NTRK2: variants seen among roughly 807,000 people sequenced by gnomAD.
The protein encoded by NTRK2 is neurotrophic receptor tyrosine kinase 2.
In NTRK2, 13 loss-of-function variants were observed where a neutral mutation model predicts 94.5. That is an observed-to-expected ratio of 0.14 (90% CI 0.09 to 0.22). NTRK2 has a LOEUF of 0.22. NTRK2 is among the 10% of genes least tolerant of loss of function. NTRK2 has a pLI of 1.00. For synonymous variants in NTRK2, 372 were observed against 407.4 expected (o/e 0.91, Z 1.05); for missense variants, 639 against 1,071.2 (o/e 0.60, Z 5.63).
At chr9:84,999,879 A>G (rs888931022) in intron 17 of NTRK2, among the ~76,000 whole-genome samples, 1 of 152,068 alleles carries the variant, frequency 6.6e-6, no homozygotes, top group Non-Finnish European at 1.5e-5. Context: ...CCACACTTTC[A>G]TGTCCTCTGC....
At chr9:84,954,160 C>T (rs1823813059) in intron 16 of NTRK2, among the ~76,000 whole-genome samples, 1 of 152,360 alleles carries the variant, frequency 6.6e-6, no homozygotes, top group South Asian at 2.1e-4. Context: ...TGTTTCAAAA[C>T]GTCTTGAGAG....
rs543720053 is a variant in NTRK2 at position 84,682,425 on chromosome 9, G to A, written c.212+11465G>A. Among the ~76,000 whole-genome samples the A allele has an allele frequency of 2.6e-5, 4 of 152,342 alleles. No homozygotes were observed. In the South Asian group the frequency reaches 8.3e-4, roughly 32 times the overall value. On this transcript the variant is annotated intron_variant, in intron 2 of 18. Transcript: ENST00000277120. The stretch of plus-strand genomic sequence containing the variant: ...CACTTTGTAACTCTTGTTACAAAGA[G>A]TGTACCTTCACTCTGAAGAAGTTGG...
At chr9:84,701,224 G>T (rs995433777) in intron 2 of NTRK2, among the ~76,000 whole-genome samples, 1 of 152,194 alleles carries the variant, frequency 6.6e-6, no homozygotes, top group Non-Finnish European at 1.5e-5. Flanking sequence ...GTATCTAAAG[G>T]CTCAAGTGGT....
At chr9:84,959,549 G>A (rs772769225) in intron 17 of NTRK2, among the ~76,000 whole-genome samples, 11 of 152,182 alleles carry the variant, frequency 7.2e-5, no homozygotes, top group Non-Finnish European at 1.5e-4. Flanking sequence ...ACCAGGAAAT[G>A]GCTGCCTCCA....
chr9:84,720,039 A>T lies in NTRK2; in HGVS notation c.584-3534A>T, dbSNP rs1009309469. 5.2e-5 allele frequency among the ~76,000 whole-genome samples: 7 copies of T among 135,298 alleles called. No individual in the cohort carries two copies. In the East Asian group the frequency reaches 9.1e-4, roughly 18 times the overall value. The allele number at this position is 135,298 out of a possible 152,430, so 88.8% of individuals were successfully genotyped here. Reference sequence around the variant, plus strand: ...TCTCAAAAAAAAAAAAAAAAAAAAAAGGGAGAGGGAGAGTCAACAAAGCAC... The same window carrying T: ...TCTCAAAAAAAAAAAAAAAAAAAAATGGGAGAGGGAGAGTCAACAAAGCAC... On this transcript the variant is annotated intron_variant, in intron 6 of 18. Transcript: ENST00000277120.
intron 17 of NTRK2, among the ~76,000 whole-genome samples, chr9:84,972,509 G>A (rs930906626): frequency 1.8e-4 from 27 of 152,264 alleles, no homozygotes; most frequent in South Asian, 6.2e-4. Flanking sequence ...TACTATAACC[G>A]TTAATATAAC....
chr9:84,929,774 C>G (rs7023976), intron 14 of NTRK2, among the ~76,000 whole-genome samples: 27,172 of 152,042 alleles, frequency 0.18, 2,679 homozygotes, highest in African/African-American at 0.25. Context: ...GTTGGCCAGG[C>G]TGGTCTCAAA....
chr9:84,672,413 G>T (rs1171992236), intron 2 of NTRK2, among the ~76,000 whole-genome samples: 2 of 152,180 alleles, frequency 1.3e-5, no homozygotes, highest in Non-Finnish European at 2.9e-5. Flanking sequence ...CAACTGTGGT[G>T]GTCTTGGACT....
At chr9:84,698,081 A>G (rs1307067943) in intron 2 of NTRK2, among the ~76,000 whole-genome samples, 3 of 152,070 alleles carry the variant, frequency 2.0e-5, no homozygotes, top group Non-Finnish European at 4.4e-5. Flanking sequence ...TTTTCTTTTA[A>G]TAAAATAGTT....
intron 15 of NTRK2, among the ~76,000 whole-genome samples, chr9:84,939,082 GA>G (rs907198496): frequency 1.5e-5 from 2 of 135,330 alleles, no homozygotes; most frequent in African/African-American, 2.7e-5. Context: ...GAAAAGAAAA[GA>G]AAAAAAAAGA....
chr9:84,770,144 G>A (rs2066397941), intron 12 of NTRK2, among the ~76,000 whole-genome samples: 1 of 131,936 alleles, frequency 7.6e-6, no homozygotes, highest in Non-Finnish European at 1.6e-5. Context: ...CTCCTGGCAT[G>A]TGCATGAGAA....
chr9:84,669,016 C>T (rs1351830365), upstream of NTRK2, among the ~76,000 whole-genome samples: 1 of 152,070 alleles, frequency 6.6e-6, no homozygotes, highest in Non-Finnish European at 1.5e-5. This position sits in a 1 kb window ranked among gnomAD's most constrained non-coding sequence, Gnocchi z 4.1. Flanking sequence ...TGGCAGAAAA[C>T]GGCAGGAAAA....
intron 2 of NTRK2, among the ~76,000 whole-genome samples, chr9:84,691,007 TA>T (rs1456596184): frequency 6.6e-6 from 1 of 152,048 alleles, no homozygotes; most frequent in Admixed American, 6.6e-5. Context: ...ATTAATAAGG[TA>T]AAAATGAGAG....
chr9:84,868,318 G>A (rs1354078553), intron 14 of NTRK2, among the ~76,000 whole-genome samples: 1 of 152,190 alleles, frequency 6.6e-6, no homozygotes, highest in East Asian at 1.9e-4. Context: ...GTAAGGTAGA[G>A]GATTACTGCA....
At chr9:84,834,131 A>G (rs2073734275) in intron 12 of NTRK2, among the ~76,000 whole-genome samples, 1 of 152,222 alleles carries the variant, frequency 6.6e-6, no homozygotes, top group East Asian at 1.9e-4. Flanking sequence ...ATACAAACGG[A>G]GAACCTATCA....
intron 14 of NTRK2, chr9:84,875,316 C>G: frequency 9.4e-7 from 1 of 1,059,420 alleles, no homozygotes; most frequent in Non-Finnish European, 1.1e-6. Context: ...GGGTTAAGAG[C>G]GGGGGTCTGG....
chr9:84,675,637 C>G (rs931698732), intron 2 of NTRK2, among the ~76,000 whole-genome samples: 1 of 151,704 alleles, frequency 6.6e-6, no homozygotes, highest in African/African-American at 2.4e-5. Context: ...AAAGTTTTTA[C>G]TTGTTTGATG....
chr9:84,797,595 C>CTATATACTA (rs1564296957), intron 12 of NTRK2, among the ~76,000 whole-genome samples: 10 of 69,610 alleles, frequency 1.4e-4, no homozygotes, highest in African/African-American at 6.1e-4. Flanking sequence ...ACTATATATA[C>CTATATACTA]TATATATTAT....
chr9:84,848,572 T>G (rs1048902828), intron 12 of NTRK2, among the ~76,000 whole-genome samples: 2 of 152,182 alleles, frequency 1.3e-5, no homozygotes, highest in Admixed American at 1.3e-4. Context: ...CAAGAGACCT[T>G]TATGGAACTC....
Sources: gnomAD v4.1 joint callset for allele counts (sites outside exome capture counted in the v4.1 genomes callset) on GRCh38, gnomAD v4.1.1 for gene constraint, Gnocchi (gnomAD v3.1) non-coding constraint, MANE v1.5 for transcripts, NCBI Gene and HGNC (gene_info 2026-07-23, HGNC 2026-07-21) for gene names.